NCKAP1: variants seen among roughly 807,000 people sequenced by gnomAD.
NCKAP1 encodes the protein NCK associated protein 1.
Under a neutral mutation model 151.2 loss-of-function variants are expected in NCKAP1, and 21 were observed. The observed-to-expected ratio is 0.14, with a 90% CI of 0.10 to 0.20. The LOEUF is 0.20. NCKAP1 is among the 10% of genes least tolerant of loss of function. NCKAP1 has a pLI of 1.00. For missense variants in NCKAP1, 933 were observed against 1,352.1 expected, an observed-to-expected ratio of 0.69 and a Z score of 4.86; for synonymous variants, 484 against 451.8, an observed-to-expected ratio of 1.07 and a Z score of -0.90.
At chr2:182,991,824 C>T (rs1021195122) in intron 8 of NCKAP1, among the ~76,000 whole-genome samples, 1 of 152,068 alleles carries the variant, frequency 6.6e-6, no homozygotes, top group Non-Finnish European at 1.5e-5. Flanking sequence ...GAAAAAAAAT[C>T]TTTCCTAAGG....
chr2:182,984,451 T>TGTGTGTGTGTGTGTGTGTGTGTGTTG (rs1188952902), intron 10 of NCKAP1, among the ~76,000 whole-genome samples: 1 of 144,244 alleles, frequency 6.9e-6, no homozygotes, highest in Non-Finnish European at 1.5e-5. Flanking sequence ...TGTGTGTGTG[T>TGTGTGTGTGTGTGTGTGTGTGTGTTG]TGCCTATGCC....
At chr2:183,037,675 C>T (rs75602566) in intron 1 of NCKAP1, among the ~76,000 whole-genome samples, 1 of 152,118 alleles carries the variant, frequency 6.6e-6, no homozygotes, top group Non-Finnish European at 1.5e-5. Flanking sequence ...ATCATGGGGG[C>T]GGGGGCGCCG....
At chr2:182,952,050 A>G (rs1342605329) in intron 23 of NCKAP1, among the ~76,000 whole-genome samples, 1 of 152,212 alleles carries the variant, frequency 6.6e-6, no homozygotes, top group Non-Finnish European at 1.5e-5. Flanking sequence ...AATACATTCA[A>G]ACCGCAAGTG....
rs933899593 is a variant in NCKAP1 at position 182,914,379 on chromosome 2, T to C, written c.*11323A>G. On this transcript the variant is annotated 3_prime_UTR_variant, in exon 31 of 31. Coordinates refer to ENST00000361354, the MANE Select transcript of NCKAP1 (RefSeq NM_013436.5). ...TTGGACTCTGGACAGATACAATACA[T>C]ACCTGCTGCCAGGATGAATAGATTA... The C allele has an allele frequency of 6.6e-6, 1 of 152,212 alleles. No homozygotes were observed. The highest frequency in any genetic ancestry group is 2.4e-5 in the African/African-American group (1 of 41,462). 9.4% of individuals were successfully genotyped at this position (152,212 alleles called of 1,614,324 possible). A position where few individuals can be genotyped will look rare whatever the true frequency, so the allele number is the denominator to read the frequency against.
chr2:182,996,858 T>C (rs1698280461), intron 6 of NCKAP1, among the ~76,000 whole-genome samples: 1 of 152,208 alleles, frequency 6.6e-6, no homozygotes. Context: ...ACTGAACCTC[T>C]GGAAACAGAA....
chr2:182,932,963 C>T (rs1696796069), intron 26 of NCKAP1, among the ~76,000 whole-genome samples: 1 of 152,014 alleles, frequency 6.6e-6, no homozygotes. Flanking sequence ...ACAACAGCAA[C>T]AACACCAAAA....
chr2:182,976,438 T>C (rs992260861), intron 15 of NCKAP1, among the ~76,000 whole-genome samples: 2 of 152,236 alleles, frequency 1.3e-5, no homozygotes, highest in African/African-American at 4.8e-5. Context: ...CATTAAGTTA[T>C]GTATTGTCTA....
At chr2:182,969,719 T>C (rs1337164771) in intron 15 of NCKAP1, among the ~76,000 whole-genome samples, 2 of 151,978 alleles carry the variant, frequency 1.3e-5, no homozygotes, top group Non-Finnish European at 2.9e-5. Flanking sequence ...AACCTAATAA[T>C]GTACCTTAAA....
chr2:183,007,168 C>T (rs1015575482), intron 2 of NCKAP1, among the ~76,000 whole-genome samples: 2 of 152,146 alleles, frequency 1.3e-5, no homozygotes, highest in Non-Finnish European at 1.5e-5. Flanking sequence ...CCACTGTACC[C>T]GGCCTCAATA....
intron 20 of NCKAP1, among the ~76,000 whole-genome samples, chr2:182,956,191 C>A (rs1697323459): frequency 6.6e-6 from 1 of 152,146 alleles, no homozygotes; most frequent in Non-Finnish European, 1.5e-5. Context: ...CAGGTGCCCA[C>A]CACCACGCCC....
intron 8 of NCKAP1, 61 bp downstream of exon 8, chr2:182,994,778 C>A: frequency 7.3e-7 from 1 of 1,363,976 alleles, no homozygotes; most frequent in South Asian, 1.2e-5. Flanking sequence ...ATGTCACCTG[C>A]TATTTTTCTC....
chr2:182,956,651 T>C (rs554685662), intron 19 of NCKAP1, 58 bp from the exon 20 acceptor site: 220 of 1,503,600 alleles, frequency 1.5e-4, no homozygotes, highest in Non-Finnish European at 1.8e-4. Context: ...CAATACAAAA[T>C]TAATTTTATA....
At chr2:182,948,787 G>C (rs1697157632) in intron 23 of NCKAP1, among the ~76,000 whole-genome samples, 1 of 152,198 alleles carries the variant, frequency 6.6e-6, no homozygotes, top group Non-Finnish European at 1.5e-5. Flanking sequence ...AGTTGATTGT[G>C]AAAACAGTAT....
chr2:182,962,033 A>AGAGGTTT, intron 18 of NCKAP1, 126 bp downstream of exon 18: 1 of 938,830 alleles, frequency 1.1e-6, no homozygotes, highest in Non-Finnish European at 1.6e-6. Flanking sequence ...GTTTCACAGC[A>AGAGGTTT]GAGGTTTGAG....
At position 183,000,234 on chromosome 2, in the gene NCKAP1, T is replaced by C. The variant is rs1698351677; in HGVS notation, c.603+1719A>G. 2.0e-5 allele frequency among the ~76,000 whole-genome samples: 3 copies of C among 152,248 alleles called. 1 individual carries two copies. The South Asian group carries it at 6.2e-4, about 32-fold the overall frequency. ...ACGGAATATTAGAAAAAAATCAAGA[T>C]TGGAAAATAAGTGGTCTAAATTCAA... is the stretch of plus-strand genomic sequence containing the variant. On this transcript the variant is annotated intron_variant, in intron 6 of 30. Transcript: ENST00000361354.
At chr2:182,958,547 A>G (rs1697372713) in intron 18 of NCKAP1, among the ~76,000 whole-genome samples, 1 of 152,220 alleles carries the variant, frequency 6.6e-6, no homozygotes, top group Admixed American at 6.5e-5. Context: ...ACAAGGCATG[A>G]AAAAGGGATA....
At chr2:183,021,944 T>A (rs62190102) in intron 2 of NCKAP1, among the ~76,000 whole-genome samples, 1 of 152,062 alleles carries the variant, frequency 6.6e-6, no homozygotes, top group African/African-American at 2.4e-5. Flanking sequence ...TTATATGGTA[T>A]GTGAATTATA....
chr2:182,992,830 C>G (rs945698387), intron 8 of NCKAP1, among the ~76,000 whole-genome samples: 1 of 152,024 alleles, frequency 6.6e-6, no homozygotes, highest in Non-Finnish European at 1.5e-5. Context: ...ATAAATATTT[C>G]ACAGTGATTT....
intron 6 of NCKAP1, among the ~76,000 whole-genome samples, chr2:182,999,533 A>G (rs1698338852): frequency 6.6e-6 from 1 of 152,188 alleles, no homozygotes; most frequent in African/African-American, 2.4e-5. Flanking sequence ...AGAAAAGGAA[A>G]TGCTTATACA....
Sources: gnomAD v4.1 joint callset for allele counts (sites outside exome capture counted in the v4.1 genomes callset) on GRCh38, gnomAD v4.1.1 for gene constraint, MANE v1.5 for transcripts, NCBI Gene and HGNC (gene_info 2026-07-23, HGNC 2026-07-21) for gene names.